The following UTRN variants were observed in gnomAD, a reference collection of about 807,000 sequenced individuals.
The protein encoded by UTRN is utrophin.
UTRN carries 283 observed loss-of-function variants against 463.9 expected under a neutral mutation model. The observed-to-expected ratio is 0.61, with a 90% CI of 0.55 to 0.67. The LOEUF is 0.67. Ranked by LOEUF, UTRN falls within the 30% of genes least tolerant of loss-of-function variation. The pLI is 0.00. For missense variants in UTRN, 3,922 were observed against 4,084.3 expected (o/e 0.96, Z 1.08); for synonymous variants, 1,442 against 1,431.5 (o/e 1.01, Z -0.17).
chr6:144,320,377 C>T (rs1467113714), intron 2 of UTRN, among the ~76,000 whole-genome samples: 1 of 152,170 alleles, frequency 6.6e-6, no homozygotes, highest in African/African-American at 2.4e-5. Context: ...CTGACTATCT[C>T]CAGGCTGCTG....
chr6:144,569,830 C>T (rs1800772689), intron 50 of UTRN, among the ~76,000 whole-genome samples: 2 of 152,212 alleles, frequency 1.3e-5, no homozygotes, highest in African/African-American at 4.8e-5. Flanking sequence ...AAGAGTGGTT[C>T]AGAGAGATGT....
intron 54 of UTRN, among the ~76,000 whole-genome samples, chr6:144,734,076 A>AACATTTTT (rs957238316): frequency 6.6e-5 from 10 of 152,258 alleles, no homozygotes; most frequent in African/African-American, 2.2e-4. Flanking sequence ...CTATTACAAG[A>AACATTTTT]ACATTTTTAT....
chr6:144,637,379 A>G (rs192444111), intron 51 of UTRN, among the ~76,000 whole-genome samples: 23 of 151,776 alleles, frequency 1.5e-4, no homozygotes, highest in Non-Finnish European at 2.6e-4. Context: ...ACATTCATTT[A>G]TATTATACTT....
chr6:144,378,153 A>T (rs930452966), intron 2 of UTRN, among the ~76,000 whole-genome samples: 13 of 152,228 alleles, frequency 8.5e-5, no homozygotes, highest in African/African-American at 3.1e-4. Context: ...CAGTCAGTGG[A>T]TCATCTTGAT....
intron 2 of UTRN, among the ~76,000 whole-genome samples, chr6:144,302,371 C>T (rs940680046): frequency 6.6e-6 from 1 of 151,942 alleles, no homozygotes; most frequent in Non-Finnish European, 1.5e-5. Context: ...ATCAGCCAGG[C>T]GTGGTGGCAC....
chr6:144,343,975 C>T (rs200209784), intron 2 of UTRN: 1 of 278,926 alleles, frequency 3.6e-6, no homozygotes, highest in Non-Finnish European at 6.3e-6. Context: ...ATTAAAAAAA[C>T]AAAAAACCTG....
intron 51 of UTRN, among the ~76,000 whole-genome samples, chr6:144,604,839 C>T (rs751415261): frequency 2.6e-5 from 4 of 151,904 alleles, no homozygotes; most frequent in African/African-American, 2.4e-5. Flanking sequence ...CACTTGAACG[C>T]GGGAGGCAGA....
At chr6:144,842,622 A>G (rs568927977) in intron 73 of UTRN, among the ~76,000 whole-genome samples, 8 of 152,300 alleles carry the variant, frequency 5.3e-5, no homozygotes, top group African/African-American at 1.7e-4. Context: ...AATAAATAAA[A>G]CATATATTTC....
chr6:144,479,821 C>T lies in UTRN; in HGVS notation c.3346C>T (p.Gln1116Ter). The T allele has an allele frequency of 6.2e-7, 1 of 1,612,604 alleles. No individual in the cohort carries two copies. The highest frequency in any genetic ancestry group is 2.2e-5 in the East Asian group (1 of 44,822). ...LEKLSKEIAT[Q>*]KSRLSESQEK... ...GGCTTTTCCTTTGTAGATCGCTACT[C>T]AAAAAAGTAGGTTGTCTGAAAGTCA... The change falls in exon 26 of 75, where the codon CAA (glutamine) becomes TAA (stop). Residue 1116 changes from glutamine to a stop codon, truncating the protein, a stop_gained. Coordinates refer to ENST00000367545, the MANE Select transcript of UTRN (RefSeq NM_007124.3). LOFTEE classifies it high-confidence loss of function.
Position 144,487,606 on chromosome 6 carries a change from G to T in UTRN, c.3881G>T (p.Gly1294Val). 1 of 1,613,498 alleles carries T rather than the reference G, an allele frequency of 6.2e-7. No individual in the cohort carries two copies. Among genetic ancestry groups the T allele is most frequent in the South Asian group, 1.1e-5 (1 of 91,010 alleles). Residue 1294 changes from glycine (G) to valine (V), a missense_variant, in exon 29 of 75, where the codon GGC (glycine) becomes GTC (valine). Coordinates refer to ENST00000367545, the MANE Select transcript of UTRN (RefSeq NM_007124.3). ...AATCGCACCCAGATTCGAGAGCTTGGCCAGACTCTGATTGATGGGGGGATC... is the reference window on the plus strand; with the variant it reads ...AATCGCACCCAGATTCGAGAGCTTGTCCAGACTCTGATTGATGGGGGGATC... ...ADNRTQIRELGQTLIDGGILD... is the reference protein window; with the variant it reads ...ADNRTQIRELVQTLIDGGILD...
chr6:144,723,495 G>T (rs1787448152), intron 53 of UTRN, among the ~76,000 whole-genome samples: 1 of 152,106 alleles, frequency 6.6e-6, no homozygotes, highest in Non-Finnish European at 1.5e-5. Context: ...AGATGATTAA[G>T]ACCTGAACCT....
intron 54 of UTRN, among the ~76,000 whole-genome samples, chr6:144,744,848 T>C (rs2128721013): frequency 6.6e-6 from 1 of 152,338 alleles, no homozygotes; most frequent in East Asian, 1.9e-4. Context: ...TTAGTGACTG[T>C]GCTCTGTGTT....
At chr6:144,414,801 C>T (rs1478359521) in intron 3 of UTRN, among the ~76,000 whole-genome samples, 10 of 151,792 alleles carry the variant, frequency 6.6e-5, no homozygotes, top group East Asian at 1.9e-4. Flanking sequence ...CTGCAACCTC[C>T]GCCTCCCAGG....
At chr6:144,775,706 A>C (rs1298817721) in intron 60 of UTRN, among the ~76,000 whole-genome samples, 1 of 152,162 alleles carries the variant, frequency 6.6e-6, no homozygotes. Flanking sequence ...TGAGCTATAA[A>C]ATGAGGACAA....
At chr6:144,638,000 T>A (rs924682391) in intron 51 of UTRN, among the ~76,000 whole-genome samples, 4 of 152,228 alleles carry the variant, frequency 2.6e-5, no homozygotes, top group Admixed American at 6.5e-5. Context: ...ACCTTATGCA[T>A]CAGACATTGT....
chr6:144,393,510 A>T (rs548998624), intron 2 of UTRN, among the ~76,000 whole-genome samples: 1 of 152,334 alleles, frequency 6.6e-6, no homozygotes, highest in Admixed American at 6.5e-5. Context: ...CGATGGAAAA[A>T]GGCAATCCAG....
At chr6:144,613,907 CAT>C (rs1012279792) in intron 51 of UTRN, among the ~76,000 whole-genome samples, 1 of 151,944 alleles carries the variant, frequency 6.6e-6, no homozygotes, top group African/African-American at 2.4e-5. Context: ...TGTATGCAAA[CAT>C]ATATATTTTC....
In UTRN at chr6:144,577,091, A is replaced by T. The variant is rs761727293; in HGVS notation, c.7290-8A>T. 1 of 1,611,924 alleles carries T rather than the reference A, an allele frequency of 6.2e-7. No individual in the cohort carries two copies. Among genetic ancestry groups the T allele is most frequent in the South Asian group, 1.1e-5 (1 of 90,990 alleles). On this transcript the variant is annotated splice_polypyrimidine_tract_variant and splice_region_variant and intron_variant, in intron 50 of 74. Coordinates refer to ENST00000367545, the MANE Select transcript of UTRN (RefSeq NM_007124.3). ...AATGGAGCCGTGCTGTCATATTGTT[A>T]CTTTCAGTATTGCTGACAGACAGAA...
intron 23 of UTRN, among the ~76,000 whole-genome samples, chr6:144,468,059 C>A (rs909867470): frequency 1.3e-5 from 2 of 151,206 alleles, no homozygotes; most frequent in Non-Finnish European, 2.9e-5. Flanking sequence ...TCTTAAAAAG[C>A]TGTGGACATT....
Sources: allele counts gnomAD v4.1 joint callset (sites outside exome capture counted in the v4.1 genomes callset), GRCh38; gene constraint gnomAD v4.1.1; transcripts MANE v1.5; gene names NCBI Gene and HGNC (gene_info 2026-07-23, HGNC 2026-07-21).